Variants in TIAL1 observed in about 807,000 individuals in gnomAD.
The protein encoded by TIAL1 is nucleolysin TIAR.
A neutral mutation model predicts 59.7 loss-of-function variants in TIAL1; 7 were observed. That is an observed-to-expected ratio of 0.12 (90% CI 0.07 to 0.22). The LOEUF (loss-of-function observed/expected upper bound fraction) is 0.22, where lower values mean the gene tolerates loss of function less well. Ranked by LOEUF, TIAL1 falls within the 10% of genes least tolerant of loss-of-function variation. The pLI is 1.00. For synonymous variants in TIAL1, 149 were observed against 146.3 expected (o/e 1.02, Z -0.13); for missense variants, 225 against 462.5 (o/e 0.49, Z 4.71).
intron 5 of TIAL1, 74 bp from the exon 6 acceptor site, chr10:119,580,084 C>T (rs1845232036): frequency 5.0e-6 from 6 of 1,210,200 alleles, no homozygotes; most frequent in Non-Finnish European, 1.2e-6. Flanking sequence ...GAACCACACA[C>T]ACTGTATTGT....
rs879745728 is a variant in TIAL1 at position 119,576,850 on chromosome 10, T to G, written c.862-100A>C. The G allele has an allele frequency of 3.4e-6, 5 of 1,479,346 alleles. No homozygotes were observed. The Admixed American group carries it at 6.0e-5, about 18-fold the overall frequency. The allele number at this position is 1,479,346 out of a possible 1,614,324, so 91.6% of individuals were successfully genotyped here. On this transcript the variant is annotated intron_variant, in intron 10 of 11. Coordinates refer to ENST00000436547, the MANE Select transcript of TIAL1 (RefSeq NM_003252.4). ...AAGAGAAAAACTAAGTAAGCACCCTTATGTGAATAGGACTCTGTTATTTAT... is the reference window on the plus strand; with the variant it reads ...AAGAGAAAAACTAAGTAAGCACCCTGATGTGAATAGGACTCTGTTATTTAT...
At chr10:119,576,193 T>C (rs1488185226) in intron 11 of TIAL1, among the ~76,000 whole-genome samples, 2 of 101,042 alleles carry the variant, frequency 2.0e-5, no homozygotes, top group Non-Finnish European at 3.7e-5. Context: ...AACCACTCTA[T>C]CAACAAAAGA....
At chr10:119,593,235 C>A (rs1274153046) in intron 1 of TIAL1, among the ~76,000 whole-genome samples, 2 of 152,182 alleles carry the variant, frequency 1.3e-5, no homozygotes, top group African/African-American at 4.8e-5. Context: ...CAGTATTACA[C>A]AGCATGATCT....
At position 119,576,637 on chromosome 10, in the gene TIAL1, T is replaced by C. The variant is rs1473737150; in HGVS notation, c.975A>G (p.Pro325=). Residue 325 remains proline (P), a synonymous_variant, in exon 11 of 12, where the codon CCA becomes CCG. Transcript: ENST00000436547. ...QVPPYGVYGQ[P]WNQQGFGVDQ... ...CTACTCCAAATCCTTGTTGATTCCATGGTTGCCCGTATACTCCATAAGGCG... is the reference window on the plus strand; with the variant it reads ...CTACTCCAAATCCTTGTTGATTCCACGGTTGCCCGTATACTCCATAAGGCG... 6.2e-7 allele frequency: 1 copy of C among 1,614,140 alleles called. No individual in the cohort carries two copies. Among genetic ancestry groups the C allele is most frequent in the Non-Finnish European group, 8.5e-7 (1 of 1,180,016 alleles).
At chr10:119,587,228 C>T (rs534969029) in intron 2 of TIAL1, among the ~76,000 whole-genome samples, 13 of 152,304 alleles carry the variant, frequency 8.5e-5, no homozygotes, top group Non-Finnish European at 8.8e-5. Flanking sequence ...CGACTAATTC[C>T]ATTTTAACTA....
At chr10:119,590,792 G>GAA (rs1455494371) in intron 1 of TIAL1, among the ~76,000 whole-genome samples, 17 of 146,606 alleles carry the variant, frequency 1.2e-4, no homozygotes, top group South Asian at 2.1e-4. Flanking sequence ...AAGAAAGAAA[G>GAA]AAAGAAAGAA....
At chr10:119,591,790 G>A (rs977436738) in intron 1 of TIAL1, among the ~76,000 whole-genome samples, 2 of 152,106 alleles carry the variant, frequency 1.3e-5, no homozygotes, top group Admixed American at 1.3e-4. Flanking sequence ...CTGAGTTCTT[G>A]TACCCAAATT....
chr10:119,588,144 G>T lies in TIAL1; in HGVS notation c.129+8C>A, dbSNP rs1292431210. On this transcript the variant is annotated splice_region_variant and intron_variant, in intron 2 of 11. Transcript: ENST00000436547. Reference sequence around the variant, plus strand: ...AATTGTCAGCACATGGAACTGGGAAGATCTTACCTCTGTTATCATTTTACA... The same window carrying T: ...AATTGTCAGCACATGGAACTGGGAATATCTTACCTCTGTTATCATTTTACA... 6.6e-7 allele frequency: 1 copy of T among 1,521,820 alleles called. No homozygotes were observed. Among genetic ancestry groups the T allele is most frequent in the Non-Finnish European group, 8.9e-7 (1 of 1,126,906 alleles). The allele number at this position is 1,521,820 out of a possible 1,614,324, so 94.3% of individuals were successfully genotyped here. A position where few individuals can be genotyped will look rare whatever the true frequency, so the allele number is the denominator to read the frequency against.
intron 1 of TIAL1, among the ~76,000 whole-genome samples, chr10:119,588,930 A>G (rs917808079): frequency 6.6e-6 from 1 of 152,116 alleles, no homozygotes; most frequent in African/African-American, 2.4e-5. Flanking sequence ...AATTTATAAC[A>G]CACACACACA....
At chr10:119,580,278 AAC>A (rs1845240498) in intron 5 of TIAL1, 2 of 385,670 alleles carry the variant, frequency 5.2e-6, no homozygotes, top group South Asian at 1.3e-4. Context: ...TAATAGGAAC[AAC>A]AGTTTCCCTT....
chr10:119,581,135 GTTTAA>G (rs2133968641), intron 5 of TIAL1, among the ~76,000 whole-genome samples: 1 of 152,086 alleles, frequency 6.6e-6, no homozygotes, highest in East Asian at 1.9e-4. Flanking sequence ...GTACTAAGAT[GTTTAA>G]TTTAAATCTA....
rs184195348 is a variant in TIAL1 at position 119,577,946 on chromosome 10, G to A, written c.557-210C>T. 1.3e-4 allele frequency among the ~76,000 whole-genome samples: 19 copies of A among 151,882 alleles called. No homozygotes were observed. The East Asian group carries it at 2.1e-3, about 17-fold the overall frequency. ...CTCTACTAAAAATACAAAAATTAAG[G>A]CAGGGCACGGTGGCTCACGCCTGTA... On this transcript the variant is annotated intron_variant, in intron 7 of 11. Transcript: ENST00000436547.
At position 119,596,839 on chromosome 10, in the gene TIAL1, G is replaced by T; in HGVS notation, c.-374C>A. The T allele has an allele frequency of 3.8e-6, 1 of 260,476 alleles. No individual in the cohort carries two copies. The highest frequency in any genetic ancestry group is 5.0e-5 in the Admixed American group (1 of 19,912). 16.1% of individuals were successfully genotyped at this position (260,476 alleles called of 1,614,324 possible). Reference sequence around the variant, plus strand: ...CCCGCTCACGACGGATCACGTCGTCGCTGTGGGCCTCTGGCCGGCCGAAGC... The same window carrying T: ...CCCGCTCACGACGGATCACGTCGTCTCTGTGGGCCTCTGGCCGGCCGAAGC... On this transcript the variant is annotated 5_prime_UTR_variant, in exon 1 of 12. Transcript: ENST00000436547.
At chr10:119,579,242 G>A (rs576279766) in intron 6 of TIAL1, among the ~76,000 whole-genome samples, 1 of 152,294 alleles carries the variant, frequency 6.6e-6, no homozygotes, top group East Asian at 1.9e-4. Context: ...GGAGGCTGAG[G>A]CAGCGCGATC....
chr10:119,590,709 C>CAAAA (rs764179693), intron 1 of TIAL1, among the ~76,000 whole-genome samples: 18 of 137,882 alleles, frequency 1.3e-4, no homozygotes, highest in Middle Eastern at 3.9e-3. Flanking sequence ...GACTCCATCT[C>CAAAA]AAAAAAATAA....
chr10:119,592,373 A>G (rs1015270857), intron 1 of TIAL1: 4 of 152,198 alleles, frequency 2.6e-5, no homozygotes, highest in African/African-American at 9.7e-5. Context: ...CTAAAAACTT[A>G]GCAGTTTCAC....
chr10:119,586,986 T>G (rs1845598232), intron 2 of TIAL1, among the ~76,000 whole-genome samples: 1 of 152,196 alleles, frequency 6.6e-6, no homozygotes, highest in Non-Finnish European at 1.5e-5. Context: ...TCCAGTACCT[T>G]GTATAGTGCC....
chr10:119,581,518 T>C (rs1845305690), intron 5 of TIAL1, among the ~76,000 whole-genome samples: 1 of 152,166 alleles, frequency 6.6e-6, no homozygotes, highest in African/African-American at 2.4e-5. Context: ...ATTTATAAAT[T>C]CCTCCTATAA....
At chr10:119,588,902 C>T (rs557674757) in intron 1 of TIAL1, among the ~76,000 whole-genome samples, 19 of 152,254 alleles carry the variant, frequency 1.2e-4, no homozygotes, top group African/African-American at 4.6e-4. Flanking sequence ...AAGATAACTA[C>T]AATTTCTAAT....
Sources: gnomAD v4.1 joint callset for allele counts (sites outside exome capture counted in the v4.1 genomes callset) on GRCh38, gnomAD v4.1.1 for gene constraint, MANE v1.5 for transcripts, NCBI Gene and HGNC (gene_info 2026-07-23, HGNC 2026-07-21) for gene names.